Variants in TP63 observed in about 807,000 individuals in gnomAD.
TP63 encodes the protein tumor protein p63, also known as tumor protein 63.
In TP63, 17 loss-of-function variants were observed where a neutral mutation model predicts 82.8. The ratio of observed to expected loss-of-function variants is 0.21; its 90% CI spans 0.14 to 0.31. TP63 has a LOEUF of 0.31. Ranked by LOEUF, TP63 falls within the 10% of genes least tolerant of loss-of-function variation. The probability of loss-of-function intolerance (pLI) is 1.00; values close to 1 mark genes in which losing one functional copy is unlikely to be tolerated. For synonymous variants in TP63, 330 were observed against 321.7 expected (o/e 1.03, Z -0.28); for missense variants, 648 against 895.3 (o/e 0.72, Z 3.52).
chr3:189,643,449 A>C (rs1712101801), intron 1 of TP63, among the ~76,000 whole-genome samples: 1 of 84,918 alleles, frequency 1.2e-5, no homozygotes. Flanking sequence ...TATCCTTTAA[A>C]CTGATTAAAA....
intron 1 of TP63, among the ~76,000 whole-genome samples, chr3:189,658,874 T>G (rs528418454): frequency 7.6e-4 from 116 of 152,140 alleles, no homozygotes; most frequent in African/African-American, 2.7e-3. Flanking sequence ...ATGAGACTCT[T>G]CAGTTATGGA....
intron 1 of TP63, among the ~76,000 whole-genome samples, chr3:189,728,328 G>A (rs531847797): frequency 6.6e-6 from 1 of 152,306 alleles, no homozygotes; most frequent in South Asian, 2.1e-4. Flanking sequence ...TACACAAAAT[G>A]GAAATGCCAT....
chr3:189,724,768 T>C (rs1001995831), intron 1 of TP63, among the ~76,000 whole-genome samples: 3 of 152,208 alleles, frequency 2.0e-5, no homozygotes, highest in Non-Finnish European at 4.4e-5. Context: ...ACAAGCATTA[T>C]GGTTATGGAA....
intron 1 of TP63, among the ~76,000 whole-genome samples, chr3:189,673,378 A>G (rs1238980372): frequency 6.6e-6 from 1 of 152,150 alleles, no homozygotes. Context: ...ATATTATTCT[A>G]GAGGCTCCAG....
the TP63 span, among the ~76,000 whole-genome samples, chr3:189,625,864 G>C: frequency 6.6e-6 from 1 of 152,116 alleles, no homozygotes; most frequent in Non-Finnish European, 1.5e-5. Flanking sequence ...CTGGACACTG[G>C]GTGTGACTTT....
the TP63 span, among the ~76,000 whole-genome samples, chr3:189,623,032 A>G: frequency 1.3e-5 from 2 of 152,220 alleles, no homozygotes; most frequent in African/African-American, 2.4e-5. Flanking sequence ...AGAGAAATTG[A>G]TAAATGTCTC....
intron 5 of TP63, among the ~76,000 whole-genome samples, chr3:189,864,783 G>C (rs954452832): frequency 1.3e-5 from 2 of 152,056 alleles, no homozygotes; most frequent in African/African-American, 4.8e-5. Flanking sequence ...GAGGTGGGCA[G>C]ATCATGAGGT....
chr3:189,777,072 C>G (rs1723858823), intron 3 of TP63, among the ~76,000 whole-genome samples: 1 of 152,190 alleles, frequency 6.6e-6, no homozygotes, highest in African/African-American at 2.4e-5. Context: ...ATATTTACTT[C>G]AAGTATGAGA....
At chr3:189,891,502 C>G (rs1479551193) in intron 13 of TP63, among the ~76,000 whole-genome samples, 1 of 152,196 alleles carries the variant, frequency 6.6e-6, no homozygotes, top group Non-Finnish European at 1.5e-5. Flanking sequence ...CATTTCTAAT[C>G]ATTGGGCATT....
intron 4 of TP63, among the ~76,000 whole-genome samples, chr3:189,836,070 G>T (rs530358921): frequency 6.6e-6 from 1 of 151,970 alleles, no homozygotes; most frequent in African/African-American, 2.4e-5. Flanking sequence ...TTGATCACAC[G>T]GGTAGTGGTT....
At chr3:189,739,789 T>C (rs1049810131) in intron 3 of TP63, among the ~76,000 whole-genome samples, 1 of 151,748 alleles carries the variant, frequency 6.6e-6, no homozygotes, top group African/African-American at 2.4e-5. Context: ...GGTTTTCTTT[T>C]TTTTTTTTTT....
chr3:189,868,435 T>C, intron 7 of TP63, 145 bp from the exon 8 acceptor site: 2 of 1,165,940 alleles, frequency 1.7e-6, no homozygotes, highest in Non-Finnish European at 1.2e-6. Flanking sequence ...TGCCAAGTGC[T>C]TTTGGGTCCA....
intron 9 of TP63, among the ~76,000 whole-genome samples, chr3:189,871,996 C>T (rs1420500072): frequency 1.3e-5 from 2 of 152,158 alleles, no homozygotes; most frequent in Non-Finnish European, 2.9e-5. Context: ...GTGTGAGCCA[C>T]CATGTCTGGC....
chr3:189,888,154 G>A (rs536306858), intron 11 of TP63, among the ~76,000 whole-genome samples: 1 of 152,188 alleles, frequency 6.6e-6, no homozygotes, highest in South Asian at 2.1e-4. Flanking sequence ...CACCGCGCCT[G>A]GCCACACATT....
At chr3:189,775,578 C>T (rs1325532481) in intron 3 of TP63, among the ~76,000 whole-genome samples, 1 of 152,170 alleles carries the variant, frequency 6.6e-6, no homozygotes, top group Non-Finnish European at 1.5e-5. Context: ...TTCTAATATA[C>T]TTGGGCAACT....
intron 10 of TP63, chr3:189,880,783 A>C: frequency 1.0e-6 from 1 of 985,372 alleles, no homozygotes; most frequent in Non-Finnish European, 1.2e-6. Flanking sequence ...GTGGGTGGAG[A>C]GTTCTTTGTG....
At chr3:189,841,883 G>T (rs1008012914) in intron 4 of TP63, among the ~76,000 whole-genome samples, 2 of 152,198 alleles carry the variant, frequency 1.3e-5, no homozygotes, top group Admixed American at 1.3e-4. Flanking sequence ...GTGCCACTGC[G>T]TGAGGCTTTG....
At chr3:189,692,941 AAG>A (rs1192323532) in intron 1 of TP63, among the ~76,000 whole-genome samples, 1 of 152,186 alleles carries the variant, frequency 6.6e-6, no homozygotes, top group African/African-American at 2.4e-5. Context: ...ATACCCGTAC[AAG>A]AGAGTCATGT....
At chr3:189,820,368 T>A (rs1445167826) in intron 4 of TP63, among the ~76,000 whole-genome samples, 1 of 152,212 alleles carries the variant, frequency 6.6e-6, no homozygotes, top group Admixed American at 6.5e-5. Flanking sequence ...AACTGATTTC[T>A]TACCTAGCAC....
Sources: allele counts gnomAD v4.1 joint callset (sites outside exome capture counted in the v4.1 genomes callset), GRCh38; gene constraint gnomAD v4.1.1; transcripts MANE v1.5; gene names NCBI Gene and HGNC (gene_info 2026-07-23, HGNC 2026-07-21).